Variants in SDC3 observed in about 807,000 individuals in gnomAD.
SDC3 encodes the protein syndecan 3, also known as syndecan-3.
In SDC3, 13 loss-of-function variants were observed where a neutral mutation model predicts 24.4. The observed-to-expected ratio is 0.53, with a 90% confidence interval of 0.35 to 0.85. The LOEUF (loss-of-function observed/expected upper bound fraction) is 0.85. Among genes scored for constraint, SDC3 ranks in the 40% least tolerant of loss-of-function variants. The pLI is 0.01. For synonymous variants in SDC3, 295 were observed against 260.9 expected (o/e 1.13, Z -1.26); for missense variants, 571 against 584.5 (o/e 0.98, Z 0.24).
At position 30,871,165 on chromosome 1, in the gene SDC3, T is replaced by C. The variant is rs1017803235; in HGVS notation, c.*2046A>G. On this transcript the variant is annotated 3_prime_UTR_variant, in exon 5 of 5. Transcript: ENST00000339394. ...GGAGCCCAGCCTGGAAAAGACAGGC[T>C]GTGGGACAGCCCCTGGAACCTCCCC... 6.6e-6 allele frequency: 1 copy of C among 152,322 alleles called. No homozygotes were observed. The highest frequency in any genetic ancestry group is 2.4e-5 in the African/African-American group (1 of 41,452). The allele number at this position is 152,322 out of a possible 1,614,324, so 9.4% of individuals were successfully genotyped here. A position where few individuals can be genotyped will look rare whatever the true frequency, so the allele number is the denominator to read the frequency against.
At chr1:30,878,486 G>A in intron 2 of SDC3, 137 bp downstream of exon 2, 1 of 669,004 alleles carries the variant, frequency 1.5e-6, no homozygotes, top group South Asian at 1.8e-5. Flanking sequence ...GGGATCCAGA[G>A]CAAGAAGAAC....
chr1:30,900,469 C>T (rs925650885), intron 1 of SDC3, among the ~76,000 whole-genome samples: 4 of 152,180 alleles, frequency 2.6e-5, no homozygotes, highest in Non-Finnish European at 5.9e-5. Flanking sequence ...GGGTGGATGA[C>T]AGAGGGTAAA....
chr1:30,891,053 C>T (rs892032574), intron 1 of SDC3, among the ~76,000 whole-genome samples: 1 of 152,170 alleles, frequency 6.6e-6, no homozygotes, highest in African/African-American at 2.4e-5. Context: ...CAACCCTCGA[C>T]CCCAGCATTC....
Position 30,902,980 on chromosome 1 carries a change from T to G in SDC3, c.138+5469A>C, listed in dbSNP as rs116008650. ...TTCCTTTGAATCATTCACTCGAGCCTGCACCAAGCACAGAGTGGTCCCTGG... is the reference window on the plus strand; with the variant it reads ...TTCCTTTGAATCATTCACTCGAGCCGGCACCAAGCACAGAGTGGTCCCTGG... On this transcript the variant is annotated intron_variant, in intron 1 of 4. Transcript: ENST00000339394. Among the ~76,000 whole-genome samples, 132 of 152,336 alleles carry G rather than the reference T, an allele frequency of 8.7e-4. 1 individual carries two copies. Among genetic ancestry groups the G allele is most frequent in the African/African-American group, 3.1e-3 (128 of 41,574 alleles).
At chr1:30,884,992 T>A (rs1334159685) in intron 1 of SDC3, among the ~76,000 whole-genome samples, 1 of 152,258 alleles carries the variant, frequency 6.6e-6, no homozygotes, top group Non-Finnish European at 1.5e-5. Context: ...TAGAAGGCTT[T>A]TTTTTACTTG....
At chr1:30,896,231 G>A (rs1639996704) in intron 1 of SDC3, among the ~76,000 whole-genome samples, 1 of 152,180 alleles carries the variant, frequency 6.6e-6, no homozygotes, top group Non-Finnish European at 1.5e-5. Flanking sequence ...TCAGAATTTG[G>A]GGAAATGTAA....
At chr1:30,874,268 C>A (rs919658803) in intron 4 of SDC3, 29 bp downstream of exon 4, 1 of 1,560,534 alleles carries the variant, frequency 6.4e-7, no homozygotes, top group Non-Finnish European at 8.7e-7. Context: ...TCCTCCCAGG[C>A]TCCCCTTGGC....
Position 30,870,655 on chromosome 1 carries a change from T to C in SDC3, c.*2556A>G, listed in dbSNP as rs1639517648. On this transcript the variant is annotated 3_prime_UTR_variant, in exon 5 of 5. Transcript: ENST00000339394. ...TCCATGAACAAGGCCCCTGGCCTCT[T>C]CTCTCAAATGCTAAGGACACAGAGA... is the stretch of plus-strand genomic sequence containing the variant. 6.6e-6 allele frequency: 1 copy of C among 152,216 alleles called. No individual in the cohort carries two copies. Among genetic ancestry groups the C allele is most frequent in the African/African-American group, 2.4e-5 (1 of 41,426 alleles). The allele number at this position is 152,216 out of a possible 1,614,324, so 9.4% of individuals were successfully genotyped here.
chr1:30,877,056 C>T lies in SDC3; in HGVS notation c.366G>A (p.Val122=), dbSNP rs762632276. 2.5e-6 allele frequency: 4 copies of T among 1,613,862 alleles called. No individual in the cohort carries two copies. The South Asian group carries it at 3.3e-5, about 13-fold the overall frequency. The change falls in exon 3 of 5, where the codon GTG becomes GTA. Residue 122 remains valine, a synonymous_variant. Transcript: ENST00000339394. The part of the protein sequence containing the change: ...AVLPTTNIQP[V]GTPFEELPSE... ...AGGGGAGCTCTTCAAATGGTGTGCC[C>T]ACAGGCTGGATGTTCGTGGTGGGCA...
chr1:30,894,779 G>A (rs185455727), intron 1 of SDC3, among the ~76,000 whole-genome samples: 2 of 152,022 alleles, frequency 1.3e-5, no homozygotes, highest in Non-Finnish European at 2.9e-5. Flanking sequence ...ACACATCCAA[G>A]CACATTCAGG....
In SDC3 at chr1:30,908,535, C is replaced by T. The variant is rs1268297244; in HGVS notation, c.52G>A (p.Gly18Arg). The T allele has an allele frequency of 5.3e-6, 5 of 934,698 alleles. 1 individual carries two copies. In the South Asian group the frequency reaches 2.3e-4, roughly 44 times the overall value. The allele number at this position is 934,698 out of a possible 1,614,324, so 57.9% of individuals were successfully genotyped here. A position where few individuals can be genotyped will look rare whatever the true frequency, so the allele number is the denominator to read the frequency against. ...CCGGGCCCGGCCGCGGCCCCGGCCC[C>T]GGCGCCGGCCCCGTGGGCGGCCCCG... ...RAGAAHGAGA[G>R]AGAAAGPGAR... The change falls in exon 1 of 5, where the codon GGG (glycine) becomes AGG (arginine). Residue 18 changes from glycine (G) to arginine (R), a missense_variant. Gly to Arg is a moderately radical substitution (Grantham distance 125, BLOSUM62 -2). Coordinates refer to ENST00000339394, the MANE Select transcript of SDC3 (RefSeq NM_014654.4).
intron 1 of SDC3, among the ~76,000 whole-genome samples, chr1:30,898,651 G>A (rs759593409): frequency 3.1e-4 from 47 of 152,282 alleles, no homozygotes; most frequent in Middle Eastern, 6.8e-3. Flanking sequence ...GACAAGCCAC[G>A]TGAAGGGAGC....
chr1:30,873,311 C>T lies in SDC3; in HGVS notation c.1229G>A (p.Arg410His), dbSNP rs767402418. The change falls in exon 5 of 5, where the codon CGT (arginine) becomes CAT (histidine). Residue 410 changes from arginine (R) to histidine (H), a missense_variant. Physicochemically the swap from Arg to His is conservative, Grantham distance 29. Coordinates refer to ENST00000339394, the MANE Select transcript of SDC3 (RefSeq NM_014654.4). ...AAFLVTLLIYRMKKKDEGSYT... is the reference protein window; with the variant it reads ...AAFLVTLLIYHMKKKDEGSYT... Reference sequence around the variant, plus strand: ...GCTGCCCTCATCCTTTTTCTTCATACGATAGATGAGCAGTGTGACCAAGAA... The same window carrying T: ...GCTGCCCTCATCCTTTTTCTTCATATGATAGATGAGCAGTGTGACCAAGAA... 28 of 1,612,404 alleles carry T rather than the reference C, an allele frequency of 1.7e-5. No individual in the cohort carries two copies. Among genetic ancestry groups the T allele is most frequent in the African/African-American group, 8.0e-5 (6 of 74,868 alleles).
intron 4 of SDC3, 49 bp downstream of exon 4, chr1:30,874,248 C>T: frequency 6.7e-7 from 1 of 1,483,532 alleles, no homozygotes; most frequent in Non-Finnish European, 9.1e-7. Context: ...CCAGCTGTCT[C>T]ACTCTGGTAT....
intron 1 of SDC3, among the ~76,000 whole-genome samples, chr1:30,880,299 G>T (rs1428805287): frequency 6.6e-6 from 1 of 151,150 alleles, no homozygotes; most frequent in African/African-American, 2.4e-5. Context: ...TGACAGGGAA[G>T]GGGGAGGCAG....
intron 1 of SDC3, among the ~76,000 whole-genome samples, chr1:30,888,961 C>T (rs1229928602): frequency 1.3e-5 from 2 of 152,328 alleles, no homozygotes; most frequent in Admixed American, 1.3e-4. Flanking sequence ...GGACTGTCTC[C>T]AACCCAAGAT....
Position 30,908,610 on chromosome 1 carries a change from C to T in SDC3, c.-24G>A. On this transcript the variant is annotated 5_prime_UTR_variant, in exon 1 of 5. Coordinates refer to ENST00000339394, the MANE Select transcript of SDC3 (RefSeq NM_014654.4). ...ATGGCGGCGGCGCGGGCGCGGGCGG[C>T]GGGCGGCGGGCGGGCGCCTTTGTTC... 2 of 920,746 alleles carry T rather than the reference C, an allele frequency of 2.2e-6. No individual in the cohort carries two copies. The highest frequency in any genetic ancestry group is 2.6e-6 in the Non-Finnish European group (2 of 775,410). 57.0% of individuals were successfully genotyped at this position (920,746 alleles called of 1,614,324 possible).
chr1:30,899,378 C>T (rs890292052), intron 1 of SDC3, among the ~76,000 whole-genome samples: 9 of 151,920 alleles, frequency 5.9e-5, no homozygotes, highest in African/African-American at 1.9e-4. Context: ...AGTCACCAAG[C>T]CTGCCTTGTT....
At chr1:30,897,255 C>A (rs1276623650) in intron 1 of SDC3, among the ~76,000 whole-genome samples, 1 of 152,158 alleles carries the variant, frequency 6.6e-6, no homozygotes, top group Non-Finnish European at 1.5e-5. Flanking sequence ...GTACTTTGGA[C>A]AAATCATTGC....
Sources: gnomAD v4.1 joint callset for allele counts (sites outside exome capture counted in the v4.1 genomes callset) on GRCh38, gnomAD v4.1.1 for gene constraint, MANE v1.5 for transcripts, NCBI Gene and HGNC (gene_info 2026-07-23, HGNC 2026-07-21) for gene names.